RNF144B: variants seen among roughly 807,000 people sequenced by gnomAD.
RNF144B encodes ring finger protein 144B.
A neutral mutation model predicts 40.2 loss-of-function variants in RNF144B; 25 were observed. The observed-to-expected ratio is 0.62, with a 90% confidence interval of 0.45 to 0.87. The LOEUF (loss-of-function observed/expected upper bound fraction) is 0.87, where lower values mean the gene tolerates loss of function less well. RNF144B is among the 40% of genes least tolerant of loss of function. RNF144B has a pLI of 0.00. For synonymous variants in RNF144B, 145 were observed against 136.3 expected (o/e 1.06, Z -0.44); for missense variants, 365 against 373.7 (o/e 0.98, Z 0.19).
At chr6:18,423,449 C>T (rs896948766) in intron 2 of RNF144B, among the ~76,000 whole-genome samples, 2 of 152,080 alleles carry the variant, frequency 1.3e-5, no homozygotes, top group African/African-American at 2.4e-5. Flanking sequence ...TATTCCCTGC[C>T]CACTCCTGTG....
intron 3 of RNF144B, among the ~76,000 whole-genome samples, chr6:18,438,103 G>T (rs781511732): frequency 6.6e-6 from 1 of 152,148 alleles, no homozygotes; most frequent in Non-Finnish European, 1.5e-5. Flanking sequence ...AGAAGCTGAC[G>T]TAGCATTTGT....
chr6:18,438,706 G>A (rs1464801168), intron 3 of RNF144B, among the ~76,000 whole-genome samples: 1 of 152,082 alleles, frequency 6.6e-6, no homozygotes, highest in African/African-American at 2.4e-5. Flanking sequence ...CCTTTCCTTA[G>A]TTGCAAGAAC....
chr6:18,405,341 T>C lies in RNF144B; in HGVS notation c.165+5642T>C, dbSNP rs968567840. 6.6e-6 allele frequency among the ~76,000 whole-genome samples: 1 copy of C among 151,592 alleles called. No individual in the cohort carries two copies. Among genetic ancestry groups the C allele is most frequent in the Non-Finnish European group, 1.5e-5 (1 of 67,878 alleles). The stretch of plus-strand genomic sequence containing the variant: ...GGCATGTGCCACCAGGCCTGACTAA[T>C]TTTTTTTGTATTTTTAGTTGAGTTG... On this transcript the variant is annotated intron_variant, in intron 2 of 7. Transcript: ENST00000259939. This position sits in a 1 kb window ranked among gnomAD's most constrained non-coding sequence, Gnocchi z 4.5.
In RNF144B at chr6:18,465,668, T is replaced by C. The variant is rs1246599046; in HGVS notation, c.*601T>C. 1 of 152,332 alleles carries C rather than the reference T, an allele frequency of 6.6e-6. No individual in the cohort carries two copies. Among genetic ancestry groups the C allele is most frequent in the Non-Finnish European group, 1.5e-5 (1 of 68,154 alleles). 9.4% of individuals were successfully genotyped at this position (152,332 alleles called of 1,614,324 possible). On this transcript the variant is annotated 3_prime_UTR_variant, in exon 8 of 8. Coordinates refer to ENST00000259939, the MANE Select transcript of RNF144B (RefSeq NM_182757.4). ...GGCAGAAACACAATAGGCTTCTCCT[T>C]GTGTGATCTCAGCTTCAAGCAGGTG...
At chr6:18,387,943 A>T (rs2113446151) in intron 1 of RNF144B, among the ~76,000 whole-genome samples, 1 of 152,338 alleles carries the variant, frequency 6.6e-6, no homozygotes. Context: ...AAGTTGGCAT[A>T]ATCTCGGATT....
intron 3 of RNF144B, among the ~76,000 whole-genome samples, chr6:18,437,628 C>G (rs1354376860): frequency 6.6e-6 from 1 of 152,070 alleles, no homozygotes; most frequent in Non-Finnish European, 1.5e-5. Context: ...CCATACAAAC[C>G]TTTGACTTAA....
At position 18,466,333 on chromosome 6, in the gene RNF144B, A is replaced by G. The variant is rs1759569930; in HGVS notation, c.*1266A>G. On this transcript the variant is annotated 3_prime_UTR_variant, in exon 8 of 8. Transcript: ENST00000259939. ...AACACAGAATAGCTCTTTTCTCAGC[A>G]TCATTATTGCTCTTTCAGCATCTGT... 1 of 152,236 alleles carries G rather than the reference A, an allele frequency of 6.6e-6. No individual in the cohort carries two copies. The highest frequency in any genetic ancestry group is 2.4e-5 in the African/African-American group (1 of 41,458). The allele number at this position is 152,236 out of a possible 1,614,324, so 9.4% of individuals were successfully genotyped here.
intron 2 of RNF144B, among the ~76,000 whole-genome samples, chr6:18,426,801 G>C (rs1177926642): frequency 6.8e-6 from 1 of 148,026 alleles, no homozygotes; most frequent in Non-Finnish European, 1.5e-5. Context: ...TGTCTTCTCT[G>C]GGTTTCATTT....
At chr6:18,388,953 G>A (rs1235444210) in intron 1 of RNF144B, among the ~76,000 whole-genome samples, 1 of 152,038 alleles carries the variant, frequency 6.6e-6, no homozygotes, top group Non-Finnish European at 1.5e-5. Flanking sequence ...ATGTTGAGTA[G>A]TAGAATTGGG....
At chr6:18,392,762 A>T (rs1359873975) in intron 1 of RNF144B, among the ~76,000 whole-genome samples, 1 of 152,148 alleles carries the variant, frequency 6.6e-6, no homozygotes, top group Non-Finnish European at 1.5e-5. Flanking sequence ...TACATCTAAG[A>T]CCTAAATATT....
At position 18,418,720 on chromosome 6, in the gene RNF144B, G is replaced by C. The variant is rs1432596829; in HGVS notation, c.166-8861G>C. On this transcript the variant is annotated intron_variant, in intron 2 of 7. Transcript: ENST00000259939. This position sits in a 1 kb window ranked among gnomAD's most constrained non-coding sequence, Gnocchi z 5.2. Reference sequence around the variant, plus strand: ...ACACTTTAGATGGGTGCATTGTATGGGTACGTGAATTATATCTCAGTTATA... The same window carrying C: ...ACACTTTAGATGGGTGCATTGTATGCGTACGTGAATTATATCTCAGTTATA... Among the ~76,000 whole-genome samples the C allele has an allele frequency of 2.0e-5, 3 of 151,636 alleles. No homozygotes were observed. The highest frequency in any genetic ancestry group is 4.4e-5 in the Non-Finnish European group (3 of 67,886).
At chr6:18,388,662 T>C (rs1794517451) in intron 1 of RNF144B, among the ~76,000 whole-genome samples, 1 of 152,142 alleles carries the variant, frequency 6.6e-6, no homozygotes. Context: ...TGGACAGCAG[T>C]GCCTTAAATA....
At position 18,400,120 on chromosome 6, in the gene RNF144B, G is replaced by T. The variant is rs2113462404; in HGVS notation, c.165+421G>T. On this transcript the variant is annotated intron_variant, in intron 2 of 7. Transcript: ENST00000259939. The surrounding 1 kb of genome is among the most constrained non-coding windows in gnomAD (Gnocchi z 5.6). ...CCCCGTCTCTACTAAAAATACAAAA[G>T]AAATTAGCTGGGCTTGGTGGCGGGC... 6.6e-6 allele frequency among the ~76,000 whole-genome samples: 1 copy of T among 151,700 alleles called. No homozygotes were observed. Among genetic ancestry groups the T allele is most frequent in the South Asian group, 2.1e-4 (1 of 4,814 alleles).
In RNF144B at chr6:18,399,602, C is replaced by G; in HGVS notation, c.68C>G (p.Ala23Gly). The change falls in exon 2 of 8, where the codon GCT (alanine) becomes GGT (glycine). Residue 23 changes from alanine (A) to glycine (G), a missense_variant. Ala to Gly is a moderately conservative substitution (Grantham distance 60). Coordinates refer to ENST00000259939, the MANE Select transcript of RNF144B (RefSeq NM_182757.4). ...TAENPTPGDL[A>G]PAPLITCKLC... is the part of the protein sequence containing the mutation. The stretch of plus-strand genomic sequence containing the variant: ...GAAAATCCCACTCCTGGAGACCTGG[C>G]TCCGGCCCCCCTCATCACTTGCAAA... 6.2e-7 allele frequency: 1 copy of G among 1,614,168 alleles called. No homozygotes were observed. Among genetic ancestry groups the G allele is most frequent in the Non-Finnish European group, 8.5e-7 (1 of 1,180,006 alleles).
intron 2 of RNF144B, among the ~76,000 whole-genome samples, chr6:18,415,948 A>G (rs939761950): frequency 1.3e-5 from 2 of 152,032 alleles, no homozygotes; most frequent in African/African-American, 4.8e-5. Context: ...ATGAAATGAC[A>G]AATGAATTCA....
At position 18,450,312 on chromosome 6, in the gene RNF144B, T is replaced by C. The variant is rs1759183986; in HGVS notation, c.332-6843T>C. ...ATTTGTAGTGCTTGCCAGTTTTTTT[T>C]TTTTAGATGGAGTCTTGCTCTGTCA... On this transcript the variant is annotated intron_variant, in intron 4 of 7. Transcript: ENST00000259939. The surrounding 1 kb of genome is among the most constrained non-coding windows in gnomAD (Gnocchi z 4.7). 6.6e-6 allele frequency among the ~76,000 whole-genome samples: 1 copy of C among 152,088 alleles called. No homozygotes were observed. The highest frequency in any genetic ancestry group is 2.4e-5 in the African/African-American group (1 of 41,412).
At position 18,447,236 on chromosome 6, in the gene RNF144B, A is replaced by G. The variant is rs1297782187; in HGVS notation, c.331+7492A>G. Among the ~76,000 whole-genome samples, 1 of 152,200 alleles carries G rather than the reference A, an allele frequency of 6.6e-6. No homozygotes were observed. The highest frequency in any genetic ancestry group is 1.5e-5 in the Non-Finnish European group (1 of 68,040). The stretch of plus-strand genomic sequence containing the variant: ...GGACTTGATTTGATGTGAGCAAGCC[A>G]TATGGATACTTACGGGAAGAACATC... On this transcript the variant is annotated intron_variant, in intron 4 of 7. Coordinates refer to ENST00000259939, the MANE Select transcript of RNF144B (RefSeq NM_182757.4). The surrounding 1 kb of genome is among the most constrained non-coding windows in gnomAD (Gnocchi z 5.6).
chr6:18,431,315 G>A (rs1758692313), intron 3 of RNF144B, among the ~76,000 whole-genome samples: 1 of 152,174 alleles, frequency 6.6e-6, no homozygotes, highest in African/African-American at 2.4e-5. Flanking sequence ...CGTGGTAGTG[G>A]TAATTGATAA....
At position 18,423,131 on chromosome 6, in the gene RNF144B, T is replaced by C. The variant is rs779425129; in HGVS notation, c.166-4450T>C. 1.2e-4 allele frequency among the ~76,000 whole-genome samples: 19 copies of C among 152,204 alleles called. 1 individual carries two copies. The highest frequency in any genetic ancestry group is 2.5e-4 in the Non-Finnish European group (17 of 68,046). On this transcript the variant is annotated intron_variant, in intron 2 of 7. Transcript: ENST00000259939. ...TCTATTCCATTCTCCAATTATACTT[T>C]ACGTTTGCATACCTCTTTTCACTTT...
Sources: gnomAD v4.1 joint callset for allele counts (sites outside exome capture counted in the v4.1 genomes callset) on GRCh38, gnomAD v4.1.1 for gene constraint, Gnocchi (gnomAD v3.1) non-coding constraint, MANE v1.5 for transcripts, NCBI Gene and HGNC (gene_info 2026-07-23, HGNC 2026-07-21) for gene names.